CFAP54: variants seen among roughly 807,000 people sequenced by gnomAD.
The protein encoded by CFAP54 is cilia- and flagella-associated protein 54.
A neutral mutation model predicts 370.4 loss-of-function variants in CFAP54; 290 were observed. The ratio of observed to expected loss-of-function variants is 0.78; its 90% CI spans 0.71 to 0.86. The LOEUF is 0.86. Among genes scored for constraint, CFAP54 ranks in the 40% least tolerant of loss-of-function variants. The pLI, the probability that CFAP54 is intolerant of heterozygous loss-of-function variation, is 0.00. For synonymous variants in CFAP54, 1,206 were observed against 1,236.5 expected (o/e 0.98, Z 0.52); for missense variants, 3,399 against 3,528.7 (o/e 0.96, Z 0.93).
intron 55 of CFAP54, among the ~76,000 whole-genome samples, chr12:96,752,085 T>TGAGAGAGAGAGAGAGAGAGAGAGA (rs55648812): frequency 8.8e-5 from 8 of 90,618 alleles, no homozygotes; most frequent in South Asian, 4.2e-4. Flanking sequence ...TCTTCCTGGA[T>TGAGAGAGAGAGAGAGAGAGAGAGA]GAGAGAGAGA....
At chr12:96,686,931 A>G (rs948054684) in intron 42 of CFAP54, among the ~76,000 whole-genome samples, 1 of 152,196 alleles carries the variant, frequency 6.6e-6, no homozygotes, top group African/African-American at 2.4e-5. Context: ...ATTATTTTAC[A>G]GTTATAGAGT....
chr12:96,860,974 T>A, intron 67 of CFAP54, 22 bp downstream of exon 67: 1 of 1,448,296 alleles, frequency 6.9e-7, no homozygotes, highest in Non-Finnish European at 9.1e-7. Flanking sequence ...CAGGATTTAA[T>A]TGTTGTTGTT....
intron 35 of CFAP54, among the ~76,000 whole-genome samples, chr12:96,650,806 G>T (rs562297398): frequency 7.9e-4 from 121 of 152,248 alleles, no homozygotes; most frequent in African/African-American, 2.6e-3. Flanking sequence ...TGGATCACCT[G>T]CTTTGACCAT....
Position 96,630,565 on chromosome 12 carries a change from A to G in CFAP54, c.4230A>G (p.Gln1410=), listed in dbSNP as rs986140793. 4.1e-6 allele frequency: 6 copies of G among 1,468,086 alleles called. No individual in the cohort carries two copies. The African/African-American group carries it at 5.7e-5, about 14-fold the overall frequency. 90.9% of individuals were successfully genotyped at this position (1,468,086 alleles called of 1,614,324 possible). ...CCTCTATTAAGAGTGCAGAAATGCA[A>G]CAAAGAATAAGAAGTAAAAAAAAGG... ...VMEIGRSAEM[Q]QRIRSKKKET... is the part of the protein sequence containing the mutation. The change falls in exon 32 of 68, where the codon CAA becomes CAG. Residue 1410 remains glutamine, a synonymous_variant. Transcript: ENST00000524981.
At chr12:96,852,340 A>G (rs935948091) in intron 66 of CFAP54, among the ~76,000 whole-genome samples, 8 of 152,098 alleles carry the variant, frequency 5.3e-5, no homozygotes, top group African/African-American at 1.9e-4. Flanking sequence ...CTCTCTCTTC[A>G]TCTATCTGGA....
chr12:96,582,309 C>T (rs981391480), intron 22 of CFAP54, among the ~76,000 whole-genome samples: 1 of 151,876 alleles, frequency 6.6e-6, no homozygotes, highest in Non-Finnish European at 1.5e-5. Context: ...GAAGAGGATG[C>T]TAGGAAGAGT....
intron 46 of CFAP54, among the ~76,000 whole-genome samples, chr12:96,702,884 C>G (rs1957505922): frequency 6.6e-6 from 1 of 152,124 alleles, no homozygotes; most frequent in Non-Finnish European, 1.5e-5. Flanking sequence ...CTACAGATTA[C>G]TATTGAACTT....
chr12:96,862,626 A>G (rs1259962966), intron 67 of CFAP54, among the ~76,000 whole-genome samples: 1 of 152,206 alleles, frequency 6.6e-6, no homozygotes. Context: ...CTGATAGGAA[A>G]CCATCTTTTA....
At position 96,540,133 on chromosome 12, in the gene CFAP54, C is replaced by G. The variant is rs532597167; in HGVS notation, c.1927-704C>G. The G allele has an allele frequency of 8.1e-4, 124 of 152,192 alleles. 1 individual carries two copies. Among genetic ancestry groups the G allele is most frequent in the African/African-American group, 2.6e-3 (108 of 41,526 alleles). The allele number at this position is 152,192 out of a possible 1,614,324, so 9.4% of individuals were successfully genotyped here. A position where few individuals can be genotyped will look rare whatever the true frequency, so the allele number is the denominator to read the frequency against. On this transcript the variant is annotated intron_variant, in intron 13 of 67. Coordinates refer to ENST00000524981, the MANE Select transcript of CFAP54 (RefSeq NM_001306084.2). ...TCTCTTTTTTTTTGAGACAGAGACT[C>G]GCTCTTTTGCCCAGGCTGGAGTGCA...
intron 51 of CFAP54, among the ~76,000 whole-genome samples, chr12:96,742,108 A>G (rs1483475401): frequency 6.6e-6 from 1 of 152,244 alleles, no homozygotes; most frequent in African/African-American, 2.4e-5. Flanking sequence ...TGACATTTAC[A>G]AAAACTTTTA....
intron 19 of CFAP54, among the ~76,000 whole-genome samples, chr12:96,569,337 C>T (rs1955890780): frequency 6.6e-6 from 1 of 152,180 alleles, no homozygotes; most frequent in Non-Finnish European, 1.5e-5. Context: ...GGCCAGTTGA[C>T]TGCTCCTTCC....
intron 50 of CFAP54, among the ~76,000 whole-genome samples, chr12:96,738,635 G>A (rs1296915723): frequency 9.2e-6 from 1 of 108,624 alleles, no homozygotes; most frequent in Non-Finnish European, 1.7e-5. Context: ...TTTTTGAAAC[G>A]GGGTCTCACT....
At chr12:96,683,838 C>T (rs1957295995) in intron 40 of CFAP54, among the ~76,000 whole-genome samples, 1 of 150,958 alleles carries the variant, frequency 6.6e-6, no homozygotes, top group Non-Finnish European at 1.5e-5. Context: ...GTTGCCCAGG[C>T]TGGAGTACAG....
intron 67 of CFAP54, 75 bp downstream of exon 67, chr12:96,861,027 C>T (rs2136463486): frequency 9.0e-7 from 1 of 1,112,956 alleles, no homozygotes; most frequent in African/African-American, 1.6e-5. Context: ...CCTCTTATAA[C>T]AACAAACATA....
intron 67 of CFAP54, among the ~76,000 whole-genome samples, chr12:96,871,884 T>C (rs1960177410): frequency 6.6e-6 from 1 of 152,072 alleles, no homozygotes; most frequent in Non-Finnish European, 1.5e-5. Flanking sequence ...TTTCAAAAAT[T>C]TCAGAGCTAT....
chr12:96,853,307 A>G (rs960223102), intron 66 of CFAP54, among the ~76,000 whole-genome samples: 1 of 152,148 alleles, frequency 6.6e-6, no homozygotes, highest in African/African-American at 2.4e-5. Flanking sequence ...CCAGACAGGA[A>G]AGATTACATA....
intron 39 of CFAP54, among the ~76,000 whole-genome samples, chr12:96,671,607 G>C (rs1297933713): frequency 6.6e-6 from 1 of 152,138 alleles, no homozygotes; most frequent in African/African-American, 2.4e-5. Flanking sequence ...TGCAGCAGTG[G>C]TGAGCTGTAC....
rs530196773 is a variant in CFAP54, at chr12:96,856,201, C to G, written c.9172-4618C>G. ...GCCATCCTGGACCCGGCCCCTGAAG[C>G]CATTTTTCCCTCCTAGACCCTGGGC... On this transcript the variant is annotated intron_variant, in intron 66 of 67. Coordinates refer to ENST00000524981, the MANE Select transcript of CFAP54 (RefSeq NM_001306084.2). Among the ~76,000 whole-genome samples the G allele has an allele frequency of 3.9e-5, 6 of 152,282 alleles. No individual in the cohort carries two copies. The South Asian group carries it at 1.0e-3, about 26-fold the overall frequency.
rs149598286 is a variant in CFAP54 at position 96,819,818 on chromosome 12, C to T, written c.9096+1905C>T. Reference sequence around the variant, plus strand: ...CATATTTATCAAATAATGTCTCAAACGCATTTTCCTCTGGAGCCTCCCACC... The same window carrying T: ...CATATTTATCAAATAATGTCTCAAATGCATTTTCCTCTGGAGCCTCCCACC... On this transcript the variant is annotated intron_variant, in intron 65 of 67. Transcript: ENST00000524981. Among the ~76,000 whole-genome samples the T allele has an allele frequency of 1.6e-3, 247 of 152,192 alleles. 4 individuals carry two copies. Among genetic ancestry groups the T allele is most frequent in the Non-Finnish European group, 2.7e-3 (187 of 68,022 alleles).
Sources: allele counts gnomAD v4.1 joint callset (sites outside exome capture counted in the v4.1 genomes callset), GRCh38; gene constraint gnomAD v4.1.1; transcripts MANE v1.5; gene names NCBI Gene and HGNC (gene_info 2026-07-23, HGNC 2026-07-21).